The following SHLD1 variants were observed in gnomAD, a reference collection of about 807,000 sequenced individuals.
SHLD1 encodes the protein shieldin complex subunit 1, also known as RINN1-REV7-interacting novel NHEJ regulator 3.
SHLD1 carries 3 observed loss-of-function variants against 5.5 expected under a neutral mutation model. The observed-to-expected ratio is 0.54, with a 90% CI of 0.25 to 1.40. The LOEUF (loss-of-function observed/expected upper bound fraction) is 1.40. SHLD1 is among the 40% of genes most tolerant of loss of function. The pLI, the probability that SHLD1 is intolerant of heterozygous loss-of-function variation, is 0.15. For synonymous variants in SHLD1, 92 were observed against 94.3 expected (o/e 0.98, Z 0.14); for missense variants, 210 against 244.4 (o/e 0.86, Z 0.94).
chr20:5,807,796 G>A lies in SHLD1; in HGVS notation c.178+34753G>A, dbSNP rs549849963. Among the ~76,000 whole-genome samples the A allele has an allele frequency of 5.3e-5, 8 of 152,310 alleles. No individual in the cohort carries two copies. The South Asian group carries it at 1.7e-3, about 32-fold the overall frequency. ...AACCAGAAGTGATTTCAAGCAATGA[G>A]CTAGAAAGAGGAAATCTCTCTTCTT... On this transcript the variant is annotated intron_variant, in intron 2 of 2. Coordinates refer to ENST00000303142, the MANE Select transcript of SHLD1 (RefSeq NM_152504.4).
rs139016527 is a variant in SHLD1, at chr20:5,783,889, C to T, written c.178+10846C>T. Among the ~76,000 whole-genome samples, 453 of 152,200 alleles carry T rather than the reference C, an allele frequency of 3.0e-3. 2 individuals are homozygous for T. Among genetic ancestry groups the T allele is most frequent in the African/African-American group, 9.3e-3 (386 of 41,548 alleles). On this transcript the variant is annotated intron_variant, in intron 2 of 2. Coordinates refer to ENST00000303142, the MANE Select transcript of SHLD1 (RefSeq NM_152504.4). ...CTAAGCGGCCGGGTGCGGTGGCTCACGCCTGTAATCCCAGCACTTTGGGAG... is the reference window on the plus strand; with the variant it reads ...CTAAGCGGCCGGGTGCGGTGGCTCATGCCTGTAATCCCAGCACTTTGGGAG...
intron 2 of SHLD1, among the ~76,000 whole-genome samples, chr20:5,835,426 G>A (rs1334442865): frequency 6.6e-6 from 1 of 152,206 alleles, no homozygotes; most frequent in African/African-American, 2.4e-5. Flanking sequence ...AACAAACACA[G>A]ATATTCAATG....
intron 2 of SHLD1, among the ~76,000 whole-genome samples, chr20:5,774,824 C>G (rs1245417983): frequency 6.6e-6 from 1 of 152,144 alleles, no homozygotes; most frequent in African/African-American, 2.4e-5. Context: ...GACACAAATC[C>G]AAACCATATC....
At chr20:5,827,889 A>T (rs1023860571) in intron 2 of SHLD1, among the ~76,000 whole-genome samples, 7 of 86,584 alleles carry the variant, frequency 8.1e-5, no homozygotes, top group African/African-American at 2.0e-4. Context: ...AGACCAGATC[A>T]TTCACTCTTG....
intron 2 of SHLD1, among the ~76,000 whole-genome samples, chr20:5,825,302 C>T (rs1417055883): frequency 6.6e-6 from 1 of 152,184 alleles, no homozygotes; most frequent in Non-Finnish European, 1.5e-5. Flanking sequence ...TCAATACAGT[C>T]GGTAGCTGTT....
At chr20:5,853,641 A>T (rs2088041254) in intron 2 of SHLD1, among the ~76,000 whole-genome samples, 1 of 152,118 alleles carries the variant, frequency 6.6e-6, no homozygotes, top group Admixed American at 6.6e-5. Context: ...TTACTGATGT[A>T]AGTATACCCT....
chr20:5,811,461 C>T (rs144411464), intron 2 of SHLD1, among the ~76,000 whole-genome samples: 223 of 152,260 alleles, frequency 1.5e-3, no homozygotes, highest in African/African-American at 5.2e-3. Context: ...CCCTTCTCTT[C>T]CAGTTCTCTA....
intron 2 of SHLD1, among the ~76,000 whole-genome samples, chr20:5,800,075 A>T (rs2087270372): frequency 6.6e-6 from 1 of 152,208 alleles, no homozygotes; most frequent in Admixed American, 6.5e-5. Context: ...TGGTTGTTGC[A>T]ACTGGGTAGG....
At chr20:5,792,080 G>A (rs954822270) in intron 2 of SHLD1, among the ~76,000 whole-genome samples, 2 of 152,132 alleles carry the variant, frequency 1.3e-5, no homozygotes, top group Non-Finnish European at 2.9e-5. Context: ...AGTTGTAGGA[G>A]TTCTTTATGT....
intron 2 of SHLD1, among the ~76,000 whole-genome samples, chr20:5,832,106 A>G (rs1039651224): frequency 6.6e-6 from 1 of 152,170 alleles, no homozygotes; most frequent in African/African-American, 2.4e-5. Flanking sequence ...GCGCCCAGCA[A>G]ATTTTTGTAT....
chr20:5,819,119 C>CCCAAAGTGCTGGGATTACAAGTGTGAG (rs1374174316), intron 2 of SHLD1, among the ~76,000 whole-genome samples: 3 of 152,140 alleles, frequency 2.0e-5, no homozygotes, highest in African/African-American at 7.2e-5. Context: ...GCCTCAGCCT[C>CCCAAAGTGCTGGGATTACAAGTGTGAG]CCAAAGTGCT....
At chr20:5,777,088 A>C (rs1191921932) in intron 2 of SHLD1, among the ~76,000 whole-genome samples, 1 of 151,898 alleles carries the variant, frequency 6.6e-6, no homozygotes, top group East Asian at 2.0e-4. Context: ...TCCCTGGTTA[A>C]AGCAATTCTC....
intron 2 of SHLD1, among the ~76,000 whole-genome samples, chr20:5,824,624 TG>T (rs757113831): frequency 2.8e-5 from 4 of 140,464 alleles, no homozygotes; most frequent in Non-Finnish European, 4.6e-5. Context: ...TGTTGTTGTT[TG>T]TTTTTTTTTT....
chr20:5,837,228 G>A (rs760654768), intron 2 of SHLD1, among the ~76,000 whole-genome samples: 1 of 152,216 alleles, frequency 6.6e-6, no homozygotes, highest in Non-Finnish European at 1.5e-5. Flanking sequence ...TTGAACAACA[G>A]AGGGGTTAGG....
At chr20:5,774,118 C>T (rs865872040) in intron 2 of SHLD1, among the ~76,000 whole-genome samples, 1 of 152,054 alleles carries the variant, frequency 6.6e-6, no homozygotes, top group African/African-American at 2.4e-5. Context: ...GCAGGAGAAT[C>T]GCTTGAACCC....
intron 2 of SHLD1, among the ~76,000 whole-genome samples, chr20:5,826,878 G>A (rs2087671713): frequency 6.6e-6 from 1 of 152,060 alleles, no homozygotes; most frequent in African/African-American, 2.4e-5. Flanking sequence ...GTGGTCTGTG[G>A]CTAGTCTGTC....
chr20:5,821,991 A>G (rs1484232394), intron 2 of SHLD1, among the ~76,000 whole-genome samples: 1 of 152,170 alleles, frequency 6.6e-6, no homozygotes, highest in Non-Finnish European at 1.5e-5. Context: ...ATGCAAGGGG[A>G]CCACCTGAGG....
At chr20:5,785,414 G>A (rs1461324437) in intron 2 of SHLD1, among the ~76,000 whole-genome samples, 4 of 152,168 alleles carry the variant, frequency 2.6e-5, no homozygotes, top group African/African-American at 9.7e-5. Flanking sequence ...GTGGAAATCT[G>A]AGACTCAAAC....
intron 2 of SHLD1, among the ~76,000 whole-genome samples, chr20:5,856,135 C>G (rs539713349): frequency 1.8e-4 from 28 of 152,306 alleles, no homozygotes; most frequent in African/African-American, 6.5e-4. Context: ...TTGGGGCTTG[C>G]TTGTTAGGCA....
Sources: gnomAD v4.1 joint callset for allele counts (sites outside exome capture counted in the v4.1 genomes callset) on GRCh38, gnomAD v4.1.1 for gene constraint, MANE v1.5 for transcripts, NCBI Gene and HGNC (gene_info 2026-07-23, HGNC 2026-07-21) for gene names.